Variants in SLC15A5 observed in about 807,000 individuals in gnomAD.
The protein encoded by SLC15A5 is solute carrier family 15 member 5.
Under a neutral mutation model 56.1 loss-of-function variants are expected in SLC15A5, and 58 were observed. The observed-to-expected ratio is 1.03, with a 90% CI of 0.84 to 1.29. The LOEUF (loss-of-function observed/expected upper bound fraction) is 1.29, where lower values mean the gene tolerates loss of function less well. Among genes scored for constraint, SLC15A5 ranks in the 50% most tolerant of loss-of-function variants. The pLI is 0.00. For missense variants in SLC15A5, 681 were observed against 672.1 expected, an observed-to-expected ratio of 1.01 and a Z score of -0.15; for synonymous variants, 264 against 250.5, an observed-to-expected ratio of 1.05 and a Z score of -0.51.
intron 8 of SLC15A5, 29 bp from the exon 9 acceptor site, chr12:16,189,844 T>C (rs936731691): frequency 9.8e-6 from 14 of 1,434,106 alleles, no homozygotes; most frequent in Non-Finnish European, 1.2e-5. Flanking sequence ...AAGCTTTTCT[T>C]AGGACCAGAT....
chr12:16,203,520 G>A (rs1863983589), intron 7 of SLC15A5, among the ~76,000 whole-genome samples: 1 of 151,984 alleles, frequency 6.6e-6, no homozygotes, highest in South Asian at 2.1e-4. Context: ...AGAAACATTC[G>A]ATACAATTTA....
intron 7 of SLC15A5, among the ~76,000 whole-genome samples, chr12:16,201,518 A>C (rs1033669662): frequency 6.6e-6 from 1 of 152,150 alleles, no homozygotes; most frequent in African/African-American, 2.4e-5. Context: ...CTCATCTTGA[A>C]TTGTAATCCC....
chr12:16,267,758 A>C (rs1402491096), intron 2 of SLC15A5, among the ~76,000 whole-genome samples: 1 of 32,240 alleles, frequency 3.1e-5, no homozygotes, highest in African/African-American at 1.5e-4. Flanking sequence ...TTTTTTTTTG[A>C]GATAGGGTCT....
intron 5 of SLC15A5, among the ~76,000 whole-genome samples, chr12:16,227,189 G>C (rs914664026): frequency 1.3e-5 from 2 of 151,978 alleles, no homozygotes; most frequent in African/African-American, 2.4e-5. Context: ...GACTATAAAG[G>C]CTTATTCATA....
Position 16,273,622 on chromosome 12 carries a change from A to AT in SLC15A5, c.362-840dup, listed in dbSNP as rs931890013. Reference sequence around the variant, plus strand: ...GTGAGTGGATAGATTTTCTTATTCAATTTTTTTTTAAAGAAATAAGTTCAG... The same window carrying AT: ...GTGAGTGGATAGATTTTCTTATTCAATTTTTTTTTTAAAGAAATAAGTTCAG... On this transcript the variant is annotated intron_variant, in intron 1 of 8. Transcript: ENST00000344941. Among the ~76,000 whole-genome samples, 50 of 151,452 alleles carry AT rather than the reference A, an allele frequency of 3.3e-4. 1 individual carries two copies. The highest frequency in any genetic ancestry group is 1.0e-3 in the African/African-American group (42 of 41,338).
chr12:16,225,899 G>C (rs966348211), intron 5 of SLC15A5, among the ~76,000 whole-genome samples: 14 of 152,200 alleles, frequency 9.2e-5, no homozygotes, highest in Non-Finnish European at 2.1e-4. Flanking sequence ...TGCTTAGGCT[G>C]TGGCCTCACA....
intron 4 of SLC15A5, among the ~76,000 whole-genome samples, chr12:16,240,893 A>C (rs1210707162): frequency 6.6e-6 from 1 of 150,546 alleles, no homozygotes; most frequent in Non-Finnish European, 1.5e-5. Flanking sequence ...GCTCACGGCA[A>C]GCTCCACCTC....
At chr12:16,203,654 A>T (rs554687984) in intron 7 of SLC15A5, among the ~76,000 whole-genome samples, 1 of 152,336 alleles carries the variant, frequency 6.6e-6, no homozygotes, top group South Asian at 2.1e-4. Context: ...CCTCATTAAG[A>T]TCATGAGCAA....
At chr12:16,229,958 C>T (rs1274469066) in intron 5 of SLC15A5, among the ~76,000 whole-genome samples, 1 of 151,914 alleles carries the variant, frequency 6.6e-6, no homozygotes, top group African/African-American at 2.4e-5. Flanking sequence ...TCACAGGAAG[C>T]TCTTTTATAA....
intron 6 of SLC15A5, among the ~76,000 whole-genome samples, chr12:16,219,166 C>G (rs1386280119): frequency 6.6e-6 from 1 of 152,104 alleles, no homozygotes; most frequent in Non-Finnish European, 1.5e-5. Flanking sequence ...AAGGGCAGTG[C>G]TAAATGTGCA....
At position 16,239,547 on chromosome 12, in the gene SLC15A5, T is replaced by TCA. The variant is rs377513953; in HGVS notation, c.1162+132_1162+133dup. The TCA allele has an allele frequency of 9.2e-4, 788 of 856,312 alleles. 6 individuals are homozygous for TCA. The African/African-American group carries it at 0.011, about 12-fold the overall frequency. The allele number at this position is 856,312 out of a possible 1,614,324, so 53.0% of individuals were successfully genotyped here. ...GATTTCGGAAGATGGGTGTTATCAG[T>TCA]CACAAATTCACCTGTTTTCCATATT... On this transcript the variant is annotated intron_variant, in intron 5 of 8. Transcript: ENST00000344941.
chr12:16,202,515 A>G (rs751851087), intron 7 of SLC15A5, among the ~76,000 whole-genome samples: 5 of 152,192 alleles, frequency 3.3e-5, no homozygotes, highest in Non-Finnish European at 5.9e-5. Flanking sequence ...TAGTACATCT[A>G]TTATGGAAAG....
intron 7 of SLC15A5, among the ~76,000 whole-genome samples, chr12:16,198,015 C>T (rs1863912237): frequency 6.6e-6 from 1 of 152,088 alleles, no homozygotes; most frequent in Non-Finnish European, 1.5e-5. Context: ...GATAGCTGAA[C>T]AGGAGCATGA....
chr12:16,255,701 T>C (rs1467038869), intron 3 of SLC15A5, among the ~76,000 whole-genome samples: 1 of 152,008 alleles, frequency 6.6e-6, no homozygotes, highest in African/African-American at 2.4e-5. Flanking sequence ...AAAACCCAAA[T>C]GTCTATCCAT....
chr12:16,216,530 T>C (rs1195865294), intron 7 of SLC15A5, among the ~76,000 whole-genome samples: 1 of 152,148 alleles, frequency 6.6e-6, no homozygotes, highest in East Asian at 1.9e-4. Context: ...ATCATTCAGG[T>C]ACCCTATCCC....
chr12:16,277,018 T>A (rs950257184), intron 1 of SLC15A5, among the ~76,000 whole-genome samples: 2 of 151,948 alleles, frequency 1.3e-5, no homozygotes, highest in Admixed American at 1.3e-4. Context: ...AATTTAGGCT[T>A]GAGGTAAAAA....
intron 2 of SLC15A5, among the ~76,000 whole-genome samples, chr12:16,259,902 G>GT (rs1565673307): frequency 6.7e-6 from 1 of 149,992 alleles, no homozygotes; most frequent in Admixed American, 6.6e-5. Context: ...CCACCCGGGC[G>GT]GGGGGTAAGT....
chr12:16,229,723 T>C (rs1364051216), intron 5 of SLC15A5, among the ~76,000 whole-genome samples: 2 of 151,896 alleles, frequency 1.3e-5, no homozygotes, highest in Non-Finnish European at 2.9e-5. Context: ...ATATTTTTAA[T>C]ATTTTAAGAG....
intron 7 of SLC15A5, among the ~76,000 whole-genome samples, chr12:16,216,659 A>G (rs916250555): frequency 6.6e-6 from 1 of 152,196 alleles, no homozygotes; most frequent in Admixed American, 6.6e-5. Context: ...GTTTTAAAAT[A>G]CACTAAGGAC....
Sources: gnomAD v4.1 joint callset for allele counts (sites outside exome capture counted in the v4.1 genomes callset) on GRCh38, gnomAD v4.1.1 for gene constraint, MANE v1.5 for transcripts, NCBI Gene and HGNC (gene_info 2026-07-23, HGNC 2026-07-21) for gene names.